ITPR3: variants seen among roughly 807,000 people sequenced by gnomAD.
ITPR3 encodes the protein inositol 1,4,5-trisphosphate receptor type 3.
In ITPR3, 173 loss-of-function variants were observed where a neutral mutation model predicts 293.2. That is an observed-to-expected ratio of 0.59 (90% confidence interval 0.52 to 0.67). ITPR3 has a LOEUF of 0.67. Ranked by LOEUF, ITPR3 falls within the 30% of genes least tolerant of loss-of-function variation. The probability of loss-of-function intolerance (pLI) is 0.00; values close to 1 mark genes in which losing one functional copy is unlikely to be tolerated. For missense variants in ITPR3, 2,796 were observed against 3,592.1 expected, an observed-to-expected ratio of 0.78 and a Z score of 5.66; for synonymous variants, 1,295 against 1,444.4, an observed-to-expected ratio of 0.90 and a Z score of 2.35.
intron 7 of ITPR3, 34 bp from the exon 8 acceptor site, chr6:33,662,494 G>A (rs200545601): frequency 8.3e-5 from 128 of 1,547,924 alleles, no homozygotes; most frequent in African/African-American, 3.0e-4. Context: ...TGGAGGGGCC[G>A]CAGCCATCCT....
rs7760350 is a variant in ITPR3 at position 33,672,969 on chromosome 6, T to G, written c.2929-622T>G. The stretch of plus-strand genomic sequence containing the variant: ...TGTCACCGGAGGGCAGGAAGGGTAG[T>G]GCAGTGACCTCCGTGGGGGACCTCT... On this transcript the variant is annotated intron_variant, in intron 22 of 57. Coordinates refer to ENST00000605930, the MANE Select transcript of ITPR3 (RefSeq NM_002224.4). This position sits in a 1 kb window ranked among gnomAD's most constrained non-coding sequence, Gnocchi z 5.0. Among the ~76,000 whole-genome samples, 1 of 152,106 alleles carries G rather than the reference T, an allele frequency of 6.6e-6. No homozygotes were observed. Among genetic ancestry groups the G allele is most frequent in the East Asian group, 1.9e-4 (1 of 5,172 alleles).
intron 2 of ITPR3, among the ~76,000 whole-genome samples, chr6:33,653,278 C>CATTTTTT (rs370927791): frequency 7.6e-6 from 1 of 132,078 alleles, no homozygotes; most frequent in African/African-American, 2.9e-5. Context: ...TTTTTATTAA[C>CATTTTTT]TTTTTTTTTT....
At position 33,658,966 on chromosome 6, in the gene ITPR3, T is replaced by C; in HGVS notation, c.529-55T>C. On this transcript the variant is annotated intron_variant, in intron 5 of 57. Transcript: ENST00000605930. The surrounding 1 kb of genome is among the most constrained non-coding windows in gnomAD (Gnocchi z 6.1). ...GAGACCAAAGGGAGGCCTGGAGGCGTGGTGACAAGAGGGCCCTGCCCTTCC... is the reference window on the plus strand; with the variant it reads ...GAGACCAAAGGGAGGCCTGGAGGCGCGGTGACAAGAGGGCCCTGCCCTTCC... 3 of 1,603,554 alleles carry C rather than the reference T, an allele frequency of 1.9e-6. No homozygotes were observed. Among genetic ancestry groups the C allele is most frequent in the Non-Finnish European group, 2.6e-6 (3 of 1,170,892 alleles).
At position 33,688,120 on chromosome 6, in the gene ITPR3, G is replaced by T; in HGVS notation, c.6328G>T (p.Glu2110Ter). 1 of 1,614,164 alleles carries T rather than the reference G, an allele frequency of 6.2e-7. No individual in the cohort carries two copies. The highest frequency in any genetic ancestry group is 8.5e-7 in the Non-Finnish European group (1 of 1,180,022). ...GTCCTCAGCGCCAGCACAGGAGGAG[G>T]AGGAAGACCCCCTGGCCTACTATGA... ...LKSSAPAQEE[E>*]EDPLAYYENH... The change falls in exon 47 of 58, where the codon GAG becomes TAG. Residue 2110 changes from glutamate to a stop codon, truncating the protein, a stop_gained. Transcript: ENST00000605930. LOFTEE classifies it high-confidence loss of function.
At chr6:33,674,307 G>A (rs1243629172) in intron 24 of ITPR3, 42 bp downstream of exon 24, 3 of 1,591,652 alleles carry the variant, frequency 1.9e-6, no homozygotes, top group East Asian at 2.2e-5. Context: ...GGGGTTGGGA[G>A]GCTCGACACC....
At position 33,684,232 on chromosome 6, in the gene ITPR3, G is replaced by A. The variant is rs1765162044; in HGVS notation, c.4937+64G>A. 6.3e-6 allele frequency: 10 copies of A among 1,599,192 alleles called. No homozygotes were observed. The highest frequency in any genetic ancestry group is 1.1e-5 in the South Asian group (1 of 90,512). On this transcript the variant is annotated intron_variant, in intron 36 of 57. Transcript: ENST00000605930. This position sits in a 1 kb window ranked among gnomAD's most constrained non-coding sequence, Gnocchi z 4.2. ...AGCGGCAGGGGACAGAGAAGGGCCC[G>A]GTGGGGACTAGACAGGCTCACTGGG...
rs758948076 is a variant in ITPR3, at chr6:33,672,019, C to G, written c.2729-10C>G. 6.3e-7 allele frequency: 1 copy of G among 1,590,130 alleles called. No homozygotes were observed. Among genetic ancestry groups the G allele is most frequent in the Non-Finnish European group, 8.6e-7 (1 of 1,166,464 alleles). On this transcript the variant is annotated splice_polypyrimidine_tract_variant and intron_variant, in intron 21 of 57. Coordinates refer to ENST00000605930, the MANE Select transcript of ITPR3 (RefSeq NM_002224.4). This position sits in a 1 kb window ranked among gnomAD's most constrained non-coding sequence, Gnocchi z 5.0. ...CTCCTTGGCAACCTCCTCTGCTTCC[C>G]CCTCCACAGGCAAGAATGTGCGGCG...
intron 48 of ITPR3, 28 bp downstream of exon 48, chr6:33,688,459 G>GCGGCC: frequency 2.3e-6 from 1 of 440,070 alleles, no homozygotes; most frequent in Non-Finnish European, 4.4e-6. Context: ...GGAGGGTGGG[G>GCGGCC]CGGTCTGGAG....
chr6:33,644,965 A>G (rs1336251602), intron 2 of ITPR3, among the ~76,000 whole-genome samples: 1 of 151,012 alleles, frequency 6.6e-6, no homozygotes, highest in Non-Finnish European at 1.5e-5. Flanking sequence ...CACCTGGCTA[A>G]GTTTTTATAT....
At chr6:33,652,912 T>C (rs918050815) in intron 2 of ITPR3, among the ~76,000 whole-genome samples, 2 of 151,080 alleles carry the variant, frequency 1.3e-5, no homozygotes, top group Non-Finnish European at 3.0e-5. Context: ...TAAAAATATA[T>C]ATATTTTAGT....
At position 33,688,708 on chromosome 6, in the gene ITPR3, C is replaced by T; in HGVS notation, c.6621C>T (p.Ile2207=). 1 of 1,614,232 alleles carries T rather than the reference C, an allele frequency of 6.2e-7. No individual in the cohort carries two copies. The highest frequency in any genetic ancestry group is 8.5e-7 in the Non-Finnish European group (1 of 1,180,040). ...GCCGCATGACCCTGTGGGGCAGCAT[C>T]TCCTTCAACCTGGCCGTGTTTATCA... is the stretch of plus-strand genomic sequence containing the variant. The part of the protein sequence containing the change: ...FSRRMTLWGS[I]SFNLAVFINI... The change falls in exon 49 of 58, where the codon ATC becomes ATT. Residue 2207 remains isoleucine (I), a synonymous_variant. Coordinates refer to ENST00000605930, the MANE Select transcript of ITPR3 (RefSeq NM_002224.4).
rs575536994 is a variant in ITPR3 at position 33,660,124 on chromosome 6, C to A, written c.711+575C>A. 1.4e-4 allele frequency among the ~76,000 whole-genome samples: 21 copies of A among 152,244 alleles called. No homozygotes were observed. The East Asian group carries it at 2.9e-3, about 21-fold the overall frequency. On this transcript the variant is annotated intron_variant, in intron 7 of 57. Coordinates refer to ENST00000605930, the MANE Select transcript of ITPR3 (RefSeq NM_002224.4). The stretch of plus-strand genomic sequence containing the variant: ...CCACCAGAGAGACCATTCAAGAAAC[C>A]CTGAACAGCAGATGTGGGCGAGAGA...
At chr6:33,622,556 A>G (rs1241362283) in intron 1 of ITPR3, among the ~76,000 whole-genome samples, 1 of 152,146 alleles carries the variant, frequency 6.6e-6, no homozygotes, top group Non-Finnish European at 1.5e-5. Context: ...AGGGTCGGCT[A>G]TCTTTGTCCC....
chr6:33,641,782 G>A (rs1037195580), intron 2 of ITPR3, among the ~76,000 whole-genome samples: 3 of 151,970 alleles, frequency 2.0e-5, no homozygotes, highest in South Asian at 2.1e-4. Flanking sequence ...TGCCCTGAAC[G>A]TTCTTTCTCC....
rs372247166 is a variant in ITPR3 at position 33,663,592 on chromosome 6, C to A, written c.1005+42C>A. The A allele has an allele frequency of 4.6e-5, 74 of 1,602,106 alleles. No homozygotes were observed. In the African/African-American group the frequency reaches 9.5e-4, roughly 21 times the overall value. On this transcript the variant is annotated intron_variant, in intron 10 of 57. Coordinates refer to ENST00000605930, the MANE Select transcript of ITPR3 (RefSeq NM_002224.4). ...GTCTCCAGTGAGACCATGGGCCTGC[C>A]CTGGGGGTAGGCGGGGGCAGGGGAG...
rs1029891199 is a variant in ITPR3 at position 33,684,217 on chromosome 6, GA to G, written c.4937+50del. ...GGGCAGCAGGGGTGCAGCGGCAGGGGACAGAGAAGGGCCCGGTGGGGACTAG... is the reference window on the plus strand; with the variant it reads ...GGGCAGCAGGGGTGCAGCGGCAGGGGCAGAGAAGGGCCCGGTGGGGACTAG... On this transcript the variant is annotated intron_variant, in intron 36 of 57. Coordinates refer to ENST00000605930, the MANE Select transcript of ITPR3 (RefSeq NM_002224.4). This position sits in a 1 kb window ranked among gnomAD's most constrained non-coding sequence, Gnocchi z 4.2. The G allele has an allele frequency of 6.2e-6, 10 of 1,603,322 alleles. No homozygotes were observed. In the African/African-American group the frequency reaches 6.7e-5, roughly 11 times the overall value.
In ITPR3 at chr6:33,655,927, C is replaced by A; in HGVS notation, c.282+40C>A. 1 of 1,611,522 alleles carries A rather than the reference C, an allele frequency of 6.2e-7. No homozygotes were observed. The highest frequency in any genetic ancestry group is 8.5e-7 in the Non-Finnish European group (1 of 1,178,416). On this transcript the variant is annotated intron_variant, in intron 3 of 57. Coordinates refer to ENST00000605930, the MANE Select transcript of ITPR3 (RefSeq NM_002224.4). The surrounding 1 kb of genome is among the most constrained non-coding windows in gnomAD (Gnocchi z 4.9). The stretch of plus-strand genomic sequence containing the variant: ...GCAGGCGTGCATCTGTGCACATGTA[C>A]CAGGAACCTGGGTACACAAGCAGCG...
At chr6:33,671,926 C>T in intron 21 of ITPR3, 103 bp from the exon 22 acceptor site, 1 of 1,149,562 alleles carries the variant, frequency 8.7e-7, no homozygotes, top group African/African-American at 1.5e-5. Context: ...CTGCAGCTGA[C>T]ATAAACAGAT....
In ITPR3 at chr6:33,665,917, G is replaced by C; in HGVS notation, c.1492G>C (p.Val498Leu). 2.5e-6 allele frequency: 4 copies of C among 1,614,202 alleles called. No homozygotes were observed. The highest frequency in any genetic ancestry group is 3.4e-6 in the Non-Finnish European group (4 of 1,180,030). The change falls in exon 14 of 58, where the codon GTC (valine) becomes CTC (leucine). Residue 498 changes from valine to leucine, a missense_variant. By Grantham distance (32) the Val-to-Leu change is conservative. This residue lies in a region of ITPR3 where 955 missense variants were observed against 1,180.8 expected (regional missense o/e 0.81). Coordinates refer to ENST00000605930, the MANE Select transcript of ITPR3 (RefSeq NM_002224.4). Reference sequence around the variant, plus strand: ...TGGGCAGAATGTCCTGGACATCATGGTCACTAAGCCCAACCGGGAACGGCA... The same window carrying C: ...TGGGCAGAATGTCCTGGACATCATGCTCACTAAGCCCAACCGGGAACGGCA... ...NNGQNVLDIMVTKPNRERQKL... is the reference protein window; with the variant it reads ...NNGQNVLDIMLTKPNRERQKL...
Sources: allele counts gnomAD v4.1 joint callset (sites outside exome capture counted in the v4.1 genomes callset), GRCh38; gene constraint gnomAD v4.1.1; regional missense constraint gnomAD v4.1.1; non-coding constraint Gnocchi (gnomAD v3.1); transcripts MANE v1.5; gene names NCBI Gene and HGNC (gene_info 2026-07-23, HGNC 2026-07-21).